The following KCNMB2 variants were observed in gnomAD, a reference collection of about 807,000 sequenced individuals.
KCNMB2 encodes the protein calcium-activated potassium channel subunit beta-2.
In KCNMB2, 9 loss-of-function variants were observed where a neutral mutation model predicts 24.5. The observed-to-expected ratio is 0.37, with a 90% CI of 0.22 to 0.64. The LOEUF (loss-of-function observed/expected upper bound fraction) is 0.64, where lower values mean the gene tolerates loss of function less well. KCNMB2 is among the 30% of genes least tolerant of loss of function. The probability of loss-of-function intolerance (pLI) is 0.63; values close to 1 mark genes in which losing one functional copy is unlikely to be tolerated. For missense variants in KCNMB2, 226 were observed against 284.3 expected, an observed-to-expected ratio of 0.79 and a Z score of 1.47; for synonymous variants, 109 against 104.4, an observed-to-expected ratio of 1.04 and a Z score of -0.27.
chr3:178,835,053 G>A (rs567126113), intron 4 of KCNMB2, among the ~76,000 whole-genome samples: 1 of 151,648 alleles, frequency 6.6e-6, no homozygotes, highest in South Asian at 2.1e-4. Context: ...AAGCTCTCTG[G>A]ATATTGTCTA....
chr3:178,702,171 C>T (rs1722122480), intron 1 of KCNMB2, among the ~76,000 whole-genome samples: 2 of 151,052 alleles, frequency 1.3e-5, no homozygotes, highest in African/African-American at 4.9e-5. Context: ...TCTCAGCAAA[C>T]TATCACAAGG....
rs186731175 is a variant in KCNMB2, at chr3:178,735,722, A to G, written c.-67-71621A>G. Among the ~76,000 whole-genome samples, 59 of 152,348 alleles carry G rather than the reference A, an allele frequency of 3.9e-4. 1 individual carries two copies. The highest frequency in any genetic ancestry group is 6.8e-4 in the Non-Finnish European group (46 of 68,028). On this transcript the variant is annotated intron_variant, in intron 1 of 4. Transcript: ENST00000452583. The stretch of plus-strand genomic sequence containing the variant: ...GTACTGGTACATGTAACTCCTTGAT[A>G]AATTGTTTCATGGTTATTGTTACAT...
intron 1 of KCNMB2, among the ~76,000 whole-genome samples, chr3:178,715,601 GTCCTACTGTAAA>G (rs1722594547): frequency 6.6e-6 from 1 of 152,064 alleles, no homozygotes; most frequent in African/African-American, 2.4e-5. Context: ...TGGTTTCTGA[GTCCTACTGTAAA>G]TCAAGCATAT....
At chr3:178,627,997 G>A (rs574246640) in intron 1 of KCNMB2, among the ~76,000 whole-genome samples, 22 of 152,222 alleles carry the variant, frequency 1.4e-4, no homozygotes, top group Admixed American at 3.9e-4. Flanking sequence ...GACAATGAGC[G>A]CAAACTAACC....
At chr3:178,637,478 G>A (rs955232510) in intron 1 of KCNMB2, among the ~76,000 whole-genome samples, 1 of 152,180 alleles carries the variant, frequency 6.6e-6, no homozygotes, top group Non-Finnish European at 1.5e-5. Context: ...GAAGGGAGTG[G>A]TGAGAAGGTT....
chr3:178,549,373 C>CA (rs1306447177), intron 1 of KCNMB2, among the ~76,000 whole-genome samples: 1 of 146,334 alleles, frequency 6.8e-6, no homozygotes, highest in Non-Finnish European at 1.5e-5. Context: ...TGCAATGGCA[C>CA]AATCTTGGCT....
chr3:178,843,051 T>C lies in KCNMB2; in HGVS notation c.*114T>C. 1.2e-6 allele frequency: 1 copy of C among 807,892 alleles called. No individual in the cohort carries two copies. The highest frequency in any genetic ancestry group is 2.0e-6 in the Non-Finnish European group (1 of 506,988). 50.0% of individuals were successfully genotyped at this position (807,892 alleles called of 1,614,324 possible). On this transcript the variant is annotated 3_prime_UTR_variant, in exon 5 of 5. Coordinates refer to ENST00000452583, the MANE Select transcript of KCNMB2 (RefSeq NM_181361.3). The stretch of plus-strand genomic sequence containing the variant: ...AGTCTGTTATGAGTTCCCTAATATA[T>C]TCTTATATGTAGAGCAATAATGCAA...
intron 1 of KCNMB2, among the ~76,000 whole-genome samples, chr3:178,547,314 T>C (rs544555271): frequency 1.3e-5 from 2 of 152,356 alleles, no homozygotes; most frequent in East Asian, 1.9e-4. Context: ...TATTCTGTTA[T>C]AGCAGCATAA....
chr3:178,795,056 G>A (rs1236281650), intron 1 of KCNMB2: 3 of 152,154 alleles, frequency 2.0e-5, no homozygotes, highest in Non-Finnish European at 4.4e-5. Flanking sequence ...AACCTGAACT[G>A]ATTACATATT....
At chr3:178,656,441 GCAAAGGTAA>G (rs1490775785) in intron 1 of KCNMB2, among the ~76,000 whole-genome samples, 1 of 152,114 alleles carries the variant, frequency 6.6e-6, no homozygotes, top group Admixed American at 6.5e-5. Flanking sequence ...CAGTGTAATA[GCAAAGGTAA>G]CAGGGTGTTC....
At chr3:178,685,851 T>A (rs571560255) in intron 1 of KCNMB2, among the ~76,000 whole-genome samples, 1 of 152,272 alleles carries the variant, frequency 6.6e-6, no homozygotes, top group African/African-American at 2.4e-5. Context: ...ACCTTCTAAG[T>A]AAGTTATTTT....
intron 1 of KCNMB2, among the ~76,000 whole-genome samples, chr3:178,706,448 T>A (rs906937436): frequency 6.6e-5 from 10 of 152,040 alleles, no homozygotes; most frequent in African/African-American, 2.2e-4. Context: ...ATAACCACAT[T>A]TGGAGCATTT....
At chr3:178,558,690 A>C (rs773334618) in intron 1 of KCNMB2, 1 of 152,144 alleles carries the variant, frequency 6.6e-6, no homozygotes, top group Non-Finnish European at 1.5e-5. Flanking sequence ...TAAATATTCT[A>C]AACTCAGCTC....
At chr3:178,639,684 G>A (rs1719652244) in intron 1 of KCNMB2, among the ~76,000 whole-genome samples, 1 of 152,180 alleles carries the variant, frequency 6.6e-6, no homozygotes, top group African/African-American at 2.4e-5. Flanking sequence ...CCTGTTGCAT[G>A]TTCCTTTCTA....
chr3:178,716,441 ATTT>A (rs35949431), intron 1 of KCNMB2, among the ~76,000 whole-genome samples: 16,490 of 128,548 alleles, frequency 0.13, 874 homozygotes, highest in Non-Finnish European at 0.14. Context: ...TAAAACCTGC[ATTT>A]TTTTTTTTTT....
intron 1 of KCNMB2, among the ~76,000 whole-genome samples, chr3:178,654,964 G>C (rs1306521682): frequency 9.9e-5 from 15 of 152,014 alleles, no homozygotes; most frequent in Admixed American, 5.9e-4. Context: ...ACCTCAGAGA[G>C]CAGTCATGAG....
At chr3:178,835,216 G>T (rs557345827) in intron 4 of KCNMB2, among the ~76,000 whole-genome samples, 1 of 151,968 alleles carries the variant, frequency 6.6e-6, no homozygotes, top group South Asian at 2.1e-4. Flanking sequence ...TGGGACCTTT[G>T]TCTCAATACT....
chr3:178,743,818 G>A (rs1393553688), intron 1 of KCNMB2, among the ~76,000 whole-genome samples: 1 of 152,212 alleles, frequency 6.6e-6, no homozygotes, highest in East Asian at 1.9e-4. Flanking sequence ...TGATGCAGGA[G>A]GATCAAGGGG....
intron 1 of KCNMB2, among the ~76,000 whole-genome samples, chr3:178,758,269 TATATATATATATCTCCAAGGGG>T (rs1724274261): frequency 6.8e-5 from 2 of 29,220 alleles, no homozygotes; most frequent in Non-Finnish European, 1.0e-4. Flanking sequence ...CAAGGGGATA[TATATATATATATCTCCAAGGGG>T]ATATATATAT....
Sources: allele counts gnomAD v4.1 joint callset (sites outside exome capture counted in the v4.1 genomes callset), GRCh38; gene constraint gnomAD v4.1.1; transcripts MANE v1.5; gene names NCBI Gene and HGNC (gene_info 2026-07-23, HGNC 2026-07-21).